The following FER1L6 variants were observed in gnomAD, a reference collection of about 807,000 sequenced individuals.
The protein encoded by FER1L6 is fer-1 like family member 6.
In FER1L6, 177 loss-of-function variants were observed where a neutral mutation model predicts 219.2. The observed-to-expected ratio is 0.81, with a 90% CI of 0.71 to 0.91. The LOEUF (loss-of-function observed/expected upper bound fraction) is 0.91. Ranked by LOEUF, FER1L6 falls within the 40% of genes least tolerant of loss-of-function variation. The pLI is 0.00. For synonymous variants in FER1L6, 768 were observed against 824.3 expected (o/e 0.93, Z 1.17); for missense variants, 2,153 against 2,259.9 (o/e 0.95, Z 0.96).
At chr8:123,876,408 T>G (rs1283742113) in intron 1 of FER1L6, among the ~76,000 whole-genome samples, 1 of 152,084 alleles carries the variant, frequency 6.6e-6, no homozygotes, top group Non-Finnish European at 1.5e-5. Context: ...AGCCTTGACC[T>G]CCTGGGCTCA....
intron 1 of FER1L6, among the ~76,000 whole-genome samples, chr8:123,855,593 C>T (rs968940219): frequency 4.6e-5 from 7 of 151,014 alleles, no homozygotes; most frequent in Admixed American, 1.3e-4. Context: ...GATCTTGGGC[C>T]GGCTGTCTTC....
intron 12 of FER1L6, among the ~76,000 whole-genome samples, chr8:123,996,976 G>A (rs985801509): frequency 2.4e-4 from 37 of 152,002 alleles, no homozygotes; most frequent in African/African-American, 8.5e-4. Context: ...TCTTAAAGTT[G>A]TTGTAGTTAT....
intron 10 of FER1L6, among the ~76,000 whole-genome samples, chr8:123,978,606 C>T (rs918456878): frequency 1.3e-5 from 2 of 152,188 alleles, no homozygotes; most frequent in Non-Finnish European, 2.9e-5. Context: ...TTTTTGCATA[C>T]ATACATGCAC....
intron 1 of FER1L6, among the ~76,000 whole-genome samples, chr8:123,894,876 C>T (rs6470201): frequency 0.77 from 116,724 of 152,104 alleles, 45,049 homozygotes; most frequent in South Asian, 0.86. Context: ...TAATGGAGTA[C>T]AATCCACTGA....
At chr8:123,997,300 T>G (rs1345357528) in intron 12 of FER1L6, among the ~76,000 whole-genome samples, 1 of 152,124 alleles carries the variant, frequency 6.6e-6, no homozygotes, top group African/African-American at 2.4e-5. Context: ...GATAAAAGGG[T>G]TTTTGTTGTT....
At chr8:123,959,170 T>C (rs1436605322) in intron 2 of FER1L6, among the ~76,000 whole-genome samples, 1 of 152,200 alleles carries the variant, frequency 6.6e-6, no homozygotes, top group Non-Finnish European at 1.5e-5. Context: ...AATTAGTGAA[T>C]GAGTGCTGTA....
rs1554608010 is a variant in FER1L6 at position 123,856,316 on chromosome 8, G to GTATGTA, written c.-8+4134_-8+4135insGTATAT. Among the ~76,000 whole-genome samples the GTATGTA allele has an allele frequency of 5.1e-4, 23 of 45,088 alleles. 3 individuals are homozygous for GTATGTA. The highest frequency in any genetic ancestry group is 2.0e-3 in the African/African-American group (23 of 11,510). 29.6% of individuals were successfully genotyped at this position (45,088 alleles called of 152,430 possible). A position where few individuals can be genotyped will look rare whatever the true frequency, so the allele number is the denominator to read the frequency against. On this transcript the variant is annotated intron_variant, in intron 1 of 40. Transcript: ENST00000522917. ...TGTATATATATATATATATGTATGT[G>GTATGTA]TATATATATATATATATATATATAT...
Position 124,076,216 on chromosome 8 carries a change from G to C in FER1L6, c.4111G>C (p.Ala1371Pro), listed in dbSNP as rs1016920480. Residue 1371 changes from alanine to proline, a missense_variant, in exon 32 of 41, where the codon GCT (alanine) becomes CCT (proline). Ala to Pro is a conservative substitution (Grantham distance 27, BLOSUM62 -1). Coordinates refer to ENST00000522917, the MANE Select transcript of FER1L6 (RefSeq NM_001039112.2). ...YIVAAFNLSPADPDGKSDPYI... is the reference protein window; with the variant it reads ...YIVAAFNLSPPDPDGKSDPYI... The stretch of plus-strand genomic sequence containing the variant: ...TTTCCAGGCATTTAATCTTAGTCCA[G>C]CTGATCCAGATGGCAAATCAGATCC... The C allele has an allele frequency of 3.1e-6, 5 of 1,614,000 alleles. No homozygotes were observed. The African/African-American group carries it at 5.3e-5, about 17-fold the overall frequency.
chr8:123,997,755 A>C (rs1274876462), intron 12 of FER1L6, among the ~76,000 whole-genome samples: 2 of 152,110 alleles, frequency 1.3e-5, no homozygotes, highest in Admixed American at 6.5e-5. Context: ...GTTGTCTTCA[A>C]GCTCACTAAT....
intron 36 of FER1L6, 29 bp downstream of exon 36, chr8:124,097,388 G>T (rs567712045): frequency 1.4e-6 from 2 of 1,471,302 alleles, no homozygotes; most frequent in South Asian, 2.3e-5. Context: ...CAGCTTCAGG[G>T]GAAGAGACCA....
intron 1 of FER1L6, among the ~76,000 whole-genome samples, chr8:123,937,808 T>A (rs1440435484): frequency 6.6e-6 from 1 of 152,144 alleles, no homozygotes; most frequent in African/African-American, 2.4e-5. Context: ...GATATCAAAG[T>A]AATTGATGGG....
intron 17 of FER1L6, 66 bp downstream of exon 17, chr8:124,021,735 AT>A: frequency 6.3e-7 from 1 of 1,588,020 alleles, no homozygotes. Context: ...GGAGGTTTGA[AT>A]GGTTGGTACG....
intron 1 of FER1L6, among the ~76,000 whole-genome samples, chr8:123,885,117 G>A (rs1035716458): frequency 6.6e-6 from 1 of 152,126 alleles, no homozygotes; most frequent in African/African-American, 2.4e-5. Flanking sequence ...GAGAAAGAGG[G>A]GAGAGGGGAT....
chr8:124,003,297 TATGGCCTCCA>T lies in FER1L6; in HGVS notation c.1651_1660del (p.Met551ProfsTer9). Reference sequence around the variant, plus strand: ...ATGTGGCCCATGATGTTCCCATTCCTATGGCCTCCACCACTCACCCGGAGAAGCCACTGGT... The same window carrying T: ...ATGTGGCCCATGATGTTCCCATTCCTCCACTCACCCGGAGAAGCCACTGGT... On this transcript the variant is annotated frameshift_variant, in exon 13 of 41. Transcript: ENST00000522917. LOFTEE classifies it high-confidence loss of function. 6.2e-7 allele frequency: 1 copy of T among 1,613,882 alleles called. No individual in the cohort carries two copies.
At chr8:123,910,302 C>T (rs1414410905) in intron 1 of FER1L6, among the ~76,000 whole-genome samples, 1 of 152,142 alleles carries the variant, frequency 6.6e-6, no homozygotes, top group African/African-American at 2.4e-5. Context: ...AAGAGTAAGA[C>T]ATCCAATCAA....
At chr8:123,898,736 A>G (rs1586448646) in intron 1 of FER1L6, among the ~76,000 whole-genome samples, 2 of 143,004 alleles carry the variant, frequency 1.4e-5, no homozygotes, top group South Asian at 2.2e-4. Context: ...TATATAGTAT[A>G]TATACATATA....
chr8:123,963,525 T>A (rs1281930949), intron 3 of FER1L6, 127 bp downstream of exon 3: 2 of 1,047,766 alleles, frequency 1.9e-6, no homozygotes, highest in Non-Finnish European at 2.8e-6. Flanking sequence ...AGGCAAGGTC[T>A]AAGGCAGGAA....
At chr8:124,050,786 G>A (rs1359560828) in intron 22 of FER1L6, among the ~76,000 whole-genome samples, 2 of 151,490 alleles carry the variant, frequency 1.3e-5, no homozygotes, top group Non-Finnish European at 2.9e-5. Flanking sequence ...ATCAGGACAC[G>A]AATCCCATTC....
At position 124,003,250 on chromosome 8, in the gene FER1L6, C is replaced by T. The variant is rs763609224; in HGVS notation, c.1603C>T (p.Leu535=). The change falls in exon 13 of 41, where the codon CTG becomes TTG. Residue 535 remains leucine, a synonymous_variant. Coordinates refer to ENST00000522917, the MANE Select transcript of FER1L6 (RefSeq NM_001039112.2). ...AESAEEDLLP[L]LHEGQGDVAH... ...ATCAGCTGAAGAAGACCTCCTTCCACTGCTTCACGAAGGGCAAGGGGATGT... is the reference window on the plus strand; with the variant it reads ...ATCAGCTGAAGAAGACCTCCTTCCATTGCTTCACGAAGGGCAAGGGGATGT... The T allele has an allele frequency of 5.0e-6, 8 of 1,614,116 alleles. No individual in the cohort carries two copies. The highest frequency in any genetic ancestry group is 1.3e-5 in the African/African-American group (1 of 75,024).
Sources: gnomAD v4.1 joint callset for allele counts (sites outside exome capture counted in the v4.1 genomes callset) on GRCh38, gnomAD v4.1.1 for gene constraint, MANE v1.5 for transcripts, NCBI Gene and HGNC (gene_info 2026-07-23, HGNC 2026-07-21) for gene names.